SRRM4: variants seen among roughly 807,000 people sequenced by gnomAD.
The protein encoded by SRRM4 is serine/arginine repetitive matrix 4.
SRRM4 carries 33 observed loss-of-function variants against 68.9 expected under a neutral mutation model. The observed-to-expected ratio is 0.48, with a 90% CI of 0.36 to 0.64. The LOEUF (loss-of-function observed/expected upper bound fraction) is 0.64. Ranked by LOEUF, SRRM4 falls within the 30% of genes least tolerant of loss-of-function variation. The pLI, the probability that SRRM4 is intolerant of heterozygous loss-of-function variation, is 0.00. For synonymous variants in SRRM4, 318 were observed against 318.8 expected (o/e 1.00, Z 0.03); for missense variants, 817 against 827.1 (o/e 0.99, Z 0.15).
At chr12:119,091,330 T>C (rs1954013076) in intron 1 of SRRM4, among the ~76,000 whole-genome samples, 1 of 152,178 alleles carries the variant, frequency 6.6e-6, no homozygotes, top group African/African-American at 2.4e-5. Flanking sequence ...TTCTAGGTTC[T>C]GAAGTAGCCA....
At chr12:119,153,886 C>T (rs1432380480) in intron 11 of SRRM4, among the ~76,000 whole-genome samples, 1 of 152,138 alleles carries the variant, frequency 6.6e-6, no homozygotes, top group Non-Finnish European at 1.5e-5. Context: ...ATTCACATCC[C>T]CAGCCCTCAG....
chr12:118,996,370 C>A (rs1274226583), intron 1 of SRRM4, among the ~76,000 whole-genome samples: 2 of 152,130 alleles, frequency 1.3e-5, no homozygotes, highest in Non-Finnish European at 2.9e-5. Context: ...AATGCTATGA[C>A]CCTTTTTCAC....
At chr12:119,072,499 A>G (rs765266919) in intron 1 of SRRM4, among the ~76,000 whole-genome samples, 1 of 152,128 alleles carries the variant, frequency 6.6e-6, no homozygotes, top group Non-Finnish European at 1.5e-5. Flanking sequence ...GGGAGGGTGA[A>G]GCTGCTCTCT....
chr12:119,050,410 G>A (rs1953735217), intron 1 of SRRM4, among the ~76,000 whole-genome samples: 1 of 152,224 alleles, frequency 6.6e-6, no homozygotes, highest in African/African-American at 2.4e-5. Context: ...GCCTCTTGGG[G>A]ATTTTGCTCA....
intron 1 of SRRM4, among the ~76,000 whole-genome samples, chr12:119,085,633 G>A (rs1953975411): frequency 1.3e-5 from 2 of 152,210 alleles, no homozygotes; most frequent in South Asian, 4.1e-4. Context: ...CCTGCTTTTG[G>A]GGGCTCTGCA....
chr12:119,078,572 G>C (rs74485112), intron 1 of SRRM4, among the ~76,000 whole-genome samples: 3,435 of 152,304 alleles, frequency 0.023, 50 homozygotes, highest in Middle Eastern at 0.082. Flanking sequence ...CATCTTGCAA[G>C]GGGGAGGCTA....
chr12:119,068,630 G>T (rs994932573), intron 1 of SRRM4, among the ~76,000 whole-genome samples: 1 of 152,014 alleles, frequency 6.6e-6, no homozygotes, highest in Non-Finnish European at 1.5e-5. Flanking sequence ...CCATGCCGCA[G>T]ACCCCTGGGC....
intron 1 of SRRM4, among the ~76,000 whole-genome samples, chr12:119,037,830 A>G (rs556300103): frequency 1.0e-3 from 154 of 152,302 alleles, no homozygotes; most frequent in Middle Eastern, 3.4e-3. Context: ...TTCTAATTCC[A>G]TTGATTGCTG....
chr12:119,064,382 T>A (rs748033215), intron 1 of SRRM4, among the ~76,000 whole-genome samples: 10 of 152,220 alleles, frequency 6.6e-5, no homozygotes, highest in Non-Finnish European at 1.3e-4. Context: ...AAAGAGATTG[T>A]CATTAATAAT....
intron 7 of SRRM4, among the ~76,000 whole-genome samples, chr12:119,127,283 C>G (rs1954267941): frequency 6.6e-6 from 1 of 152,184 alleles, no homozygotes; most frequent in African/African-American, 2.4e-5. Flanking sequence ...AATGGGGACA[C>G]TGAGACCTCC....
intron 1 of SRRM4, among the ~76,000 whole-genome samples, chr12:119,016,041 T>C (rs12819879): frequency 0.023 from 3,522 of 152,044 alleles, 57 homozygotes; most frequent in Non-Finnish European, 0.035. Flanking sequence ...GAGCACTTAA[T>C]CCAATACAAC....
chr12:119,123,240 C>T (rs10849630), intron 6 of SRRM4, among the ~76,000 whole-genome samples: 68,317 of 152,018 alleles, frequency 0.45, 15,549 homozygotes, highest in South Asian at 0.52. Flanking sequence ...AGGGCATTTC[C>T]GCCACCACCA....
At chr12:119,012,877 C>G (rs1235204986) in intron 1 of SRRM4, among the ~76,000 whole-genome samples, 1 of 152,132 alleles carries the variant, frequency 6.6e-6, no homozygotes, top group Admixed American at 6.5e-5. Context: ...GACTCCTACC[C>G]AAGACACAGA....
chr12:119,112,498 G>A (rs755403407), intron 2 of SRRM4, among the ~76,000 whole-genome samples: 12 of 152,214 alleles, frequency 7.9e-5, no homozygotes, highest in African/African-American at 2.9e-4. Flanking sequence ...ATACATGCAC[G>A]CATATGTTCA....
At chr12:119,017,483 C>A (rs1257990354) in intron 1 of SRRM4, among the ~76,000 whole-genome samples, 2 of 152,134 alleles carry the variant, frequency 1.3e-5, no homozygotes, top group Admixed American at 6.5e-5. Context: ...ATATACTAAG[C>A]GGGCAGATGG....
At chr12:119,128,554 A>T (rs1954274782) in intron 7 of SRRM4, among the ~76,000 whole-genome samples, 1 of 152,208 alleles carries the variant, frequency 6.6e-6, no homozygotes. Flanking sequence ...GTTCAACCCC[A>T]GGTGGACTCC....
intron 6 of SRRM4, chr12:119,124,348 G>A (rs1312424459): frequency 6.6e-6 from 1 of 152,270 alleles, no homozygotes; most frequent in Non-Finnish European, 1.5e-5. Context: ...GCTAGCTCCT[G>A]AAGCTGCCTG....
At chr12:119,112,533 A>G (rs570015206) in intron 2 of SRRM4, among the ~76,000 whole-genome samples, 7 of 152,354 alleles carry the variant, frequency 4.6e-5, no homozygotes, top group Admixed American at 4.6e-4. Context: ...ACAATAGCAA[A>G]GACATGAAAT....
intron 2 of SRRM4, among the ~76,000 whole-genome samples, chr12:119,105,230 T>C (rs915009213): frequency 1.3e-5 from 2 of 152,120 alleles, no homozygotes; most frequent in Admixed American, 6.5e-5. Flanking sequence ...TGATGGACAT[T>C]TGGGTTGGTT....
Sources: allele counts gnomAD v4.1 joint callset (sites outside exome capture counted in the v4.1 genomes callset), GRCh38; gene constraint gnomAD v4.1.1; transcripts MANE v1.5; gene names NCBI Gene and HGNC (gene_info 2026-07-23, HGNC 2026-07-21).